The following CLIC5 variants were observed in gnomAD, a reference collection of about 807,000 sequenced individuals.
CLIC5 encodes the protein chloride intracellular channel protein 5.
CLIC5 carries 20 observed loss-of-function variants against 24.7 expected under a neutral mutation model. The ratio of observed to expected loss-of-function variants is 0.81; its 90% CI spans 0.57 to 1.18. The LOEUF (loss-of-function observed/expected upper bound fraction) is 1.18, where lower values mean the gene tolerates loss of function less well. CLIC5 is among the 50% of genes most tolerant of loss of function. The probability of loss-of-function intolerance (pLI) is 0.00; values close to 1 mark genes in which losing one functional copy is unlikely to be tolerated. For missense variants in CLIC5, 341 were observed against 326.1 expected (o/e 1.05, Z -0.35); for synonymous variants, 159 against 135.6 (o/e 1.17, Z -1.20).
the CLIC5 span, among the ~76,000 whole-genome samples, chr6:46,105,685 G>T: frequency 6.6e-6 from 1 of 152,148 alleles, no homozygotes; most frequent in Non-Finnish European, 1.5e-5. Context: ...GGAGTCACAG[G>T]CAGGTTCTCT....
chr6:45,929,571 C>G (rs556175327), intron 4 of CLIC5, among the ~76,000 whole-genome samples: 141 of 152,340 alleles, frequency 9.3e-4, no homozygotes, highest in Non-Finnish European at 1.4e-3. Context: ...CCTTTGTGAC[C>G]AGAGGCGTTT....
At chr6:46,110,245 C>T in the CLIC5 span, among the ~76,000 whole-genome samples, 4 of 152,132 alleles carry the variant, frequency 2.6e-5, no homozygotes, top group South Asian at 2.1e-4. Context: ...CAATAAATAG[C>T]GTGGGCTCCC....
At chr6:46,024,424 G>A (rs1159451059) in intron 1 of CLIC5, among the ~76,000 whole-genome samples, 1 of 152,138 alleles carries the variant, frequency 6.6e-6, no homozygotes, top group Non-Finnish European at 1.5e-5. Context: ...AAATTTAGAA[G>A]ACCATTTTTA....
the CLIC5 span, among the ~76,000 whole-genome samples, chr6:46,097,802 T>C: frequency 6.6e-6 from 1 of 152,236 alleles, no homozygotes; most frequent in African/African-American, 2.4e-5. Flanking sequence ...TACCTTCTGT[T>C]ATAATTTAAT....
At chr6:46,099,305 T>A in the CLIC5 span, among the ~76,000 whole-genome samples, 1 of 152,206 alleles carries the variant, frequency 6.6e-6, no homozygotes, top group Non-Finnish European at 1.5e-5. Flanking sequence ...TTTTCAGGAA[T>A]GCTGTGGAAT....
In CLIC5 at chr6:45,900,837, GT is replaced by G. The variant is rs2127291783; in HGVS notation, c.*2250del. ...ATCTAGAAACAGCAATATTGATTTG[GT>G]TTGGCCTGTTTGTTTTTAAGGACTT... On this transcript the variant is annotated 3_prime_UTR_variant, in exon 6 of 6. Coordinates refer to ENST00000339561, the MANE Select transcript of CLIC5 (RefSeq NM_016929.5). 6.6e-6 allele frequency: 1 copy of G among 152,222 alleles called. No homozygotes were observed. Among genetic ancestry groups the G allele is most frequent in the South Asian group, 2.1e-4 (1 of 4,816 alleles). 9.4% of individuals were successfully genotyped at this position (152,222 alleles called of 1,614,324 possible).
At chr6:45,976,769 A>G (rs1388700477) in intron 1 of CLIC5, among the ~76,000 whole-genome samples, 1 of 152,214 alleles carries the variant, frequency 6.6e-6, no homozygotes, top group Non-Finnish European at 1.5e-5. Context: ...AAATATTCAA[A>G]TGGGTAATGG....
intron 1 of CLIC5, among the ~76,000 whole-genome samples, chr6:45,979,041 C>T (rs900303835): frequency 6.6e-6 from 1 of 151,756 alleles, no homozygotes; most frequent in Non-Finnish European, 1.5e-5. Context: ...AAATGCACAA[C>T]AGGGTGGGAT....
chr6:45,978,256 T>C (rs570267067), intron 1 of CLIC5, among the ~76,000 whole-genome samples: 1 of 152,314 alleles, frequency 6.6e-6, no homozygotes, highest in East Asian at 1.9e-4. Context: ...GGTGCCTTTT[T>C]TCCCCTCAGT....
At chr6:45,958,422 T>TTA (rs35922936) in intron 1 of CLIC5, among the ~76,000 whole-genome samples, 221 of 8,320 alleles carry the variant, frequency 0.027, no homozygotes, top group Non-Finnish European at 0.035. Flanking sequence ...AAAAAGACAA[T>TTA]TATATATATA....
At chr6:45,948,500 A>G (rs1288826251) in intron 3 of CLIC5, among the ~76,000 whole-genome samples, 2 of 152,226 alleles carry the variant, frequency 1.3e-5, no homozygotes, top group African/African-American at 2.4e-5. Flanking sequence ...TCACTACAGG[A>G]TAATACCCTA....
At chr6:46,001,059 C>A (rs138541580) in intron 1 of CLIC5, among the ~76,000 whole-genome samples, 1 of 152,186 alleles carries the variant, frequency 6.6e-6, no homozygotes. Context: ...AAAGTTGCCT[C>A]GCCCTAGTTA....
intron 1 of CLIC5, among the ~76,000 whole-genome samples, chr6:45,989,288 T>C (rs909616970): frequency 6.6e-6 from 1 of 152,192 alleles, no homozygotes; most frequent in East Asian, 1.9e-4. Flanking sequence ...TTTTCCAGCT[T>C]CTCTGACAAT....
the CLIC5 span, among the ~76,000 whole-genome samples, chr6:46,117,800 T>A: frequency 8.0e-6 from 1 of 125,402 alleles, no homozygotes; most frequent in African/African-American, 2.6e-5. Flanking sequence ...ATTTCACTGA[T>A]TCTAAAATAG....
chr6:45,956,937 A>C (rs1428219275), intron 1 of CLIC5, among the ~76,000 whole-genome samples: 1 of 152,192 alleles, frequency 6.6e-6, no homozygotes, highest in African/African-American at 2.4e-5. Flanking sequence ...GGTGGCTATC[A>C]ATTTAATAAT....
In CLIC5 at chr6:46,050,391, C is replaced by A. The variant is rs1581900130; in HGVS notation, c.540+29312G>T. On this transcript the variant is annotated intron_variant, in intron 1 of 5. Transcript: ENST00000185206. ...ATAAGGACCTTTTAAGAAATGAAAA[C>A]CAACACAATATACCATTTGTCCAAG... is the stretch of plus-strand genomic sequence containing the variant. Among the ~76,000 whole-genome samples the A allele has an allele frequency of 5.3e-5, 8 of 152,190 alleles. No homozygotes were observed. The South Asian group carries it at 1.7e-3, about 32-fold the overall frequency.
chr6:45,935,624 G>GCAGT (rs1763902574), intron 4 of CLIC5, among the ~76,000 whole-genome samples: 2 of 152,322 alleles, frequency 1.3e-5, no homozygotes, highest in Admixed American at 6.5e-5. Flanking sequence ...AAATCTAAAT[G>GCAGT]CAGTGCTGCT....
chr6:46,005,980 GTATA>G (rs35395134), intron 1 of CLIC5, among the ~76,000 whole-genome samples: 273 of 117,682 alleles, frequency 2.3e-3, no homozygotes, highest in African/African-American at 9.0e-3. Flanking sequence ...GCCTATGTGT[GTATA>G]TATATATATA....
intron 5 of CLIC5, chr6:45,911,550 G>C: frequency 1.1e-6 from 1 of 931,862 alleles, no homozygotes. Context: ...TGGATGAAAA[G>C]GGTCTCCAAT....
Sources: allele counts gnomAD v4.1 joint callset (sites outside exome capture counted in the v4.1 genomes callset), GRCh38; gene constraint gnomAD v4.1.1; transcripts MANE v1.5; gene names NCBI Gene and HGNC (gene_info 2026-07-23, HGNC 2026-07-21).